RAE1: variants seen among roughly 807,000 people sequenced by gnomAD.
The protein encoded by RAE1 is mRNA export factor RAE1.
A neutral mutation model predicts 52.7 loss-of-function variants in RAE1; 13 were observed. The ratio of observed to expected loss-of-function variants is 0.25; its 90% CI spans 0.16 to 0.39. The LOEUF is 0.39. Among genes scored for constraint, RAE1 ranks in the 10% least tolerant of loss-of-function variants. RAE1 has a pLI of 1.00. For synonymous variants in RAE1, 164 were observed against 153.1 expected (o/e 1.07, Z -0.52); for missense variants, 262 against 459.8 (o/e 0.57, Z 3.93).
At chr20:57,352,236 C>T (rs1462243134) in intron 1 of RAE1, among the ~76,000 whole-genome samples, 1 of 152,160 alleles carries the variant, frequency 6.6e-6, no homozygotes, top group Non-Finnish European at 1.5e-5. Flanking sequence ...GTTGCGTAAA[C>T]ATGGCAAGTT....
intron 1 of RAE1, 71 bp downstream of exon 1, chr20:57,351,493 C>T (rs570623659): frequency 2.0e-6 from 2 of 985,434 alleles, no homozygotes. Flanking sequence ...AGTTGCCTCC[C>T]GGGAGCGCGC....
At chr20:57,366,493 C>T (rs1030012060) in intron 5 of RAE1, among the ~76,000 whole-genome samples, 1 of 152,194 alleles carries the variant, frequency 6.6e-6, no homozygotes, top group African/African-American at 2.4e-5. Context: ...CCATACTTTA[C>T]AACAGCCAGA....
chr20:57,351,368 C>G lies in RAE1; in HGVS notation c.-62C>G, dbSNP rs972938386. On this transcript the variant is annotated 5_prime_UTR_variant, in exon 1 of 12. Transcript: ENST00000395841. Reference sequence around the variant, plus strand: ...CTTCGCGCCAGAGCAGGTTCGCAAACTCCTCAGACCCTTCTGCTCCCGGCC... The same window carrying G: ...CTTCGCGCCAGAGCAGGTTCGCAAAGTCCTCAGACCCTTCTGCTCCCGGCC... The G allele has an allele frequency of 2.2e-5, 22 of 985,338 alleles. No homozygotes were observed. Among genetic ancestry groups the G allele is most frequent in the Non-Finnish European group, 2.7e-5 (22 of 829,940 alleles). 61.0% of individuals were successfully genotyped at this position (985,338 alleles called of 1,614,324 possible).
chr20:57,373,259 G>A (rs2067063082), intron 8 of RAE1: 2 of 565,644 alleles, frequency 3.5e-6, no homozygotes, highest in Non-Finnish European at 3.1e-6. Flanking sequence ...AGCGGGGGCG[G>A]GGGAGGAGCA....
At chr20:57,379,202 A>AC (rs2067153168), downstream of RAE1, 1 of 152,158 alleles carries the variant, frequency 6.6e-6, no homozygotes, top group African/African-American at 2.4e-5. Flanking sequence ...ACTGGAAGAG[A>AC]CCACCTGCAC....
intron 9 of RAE1, 38 bp downstream of exon 9, chr20:57,373,619 CT>C (rs34667817): frequency 3.7e-6 from 6 of 1,613,260 alleles, no homozygotes; most frequent in African/African-American, 1.3e-5. Context: ...TTTCACTGGA[CT>C]TTTTTTAACA....
intron 11 of RAE1, among the ~76,000 whole-genome samples, chr20:57,377,596 A>G (rs1275825488): frequency 6.6e-6 from 1 of 152,058 alleles, no homozygotes; most frequent in Non-Finnish European, 1.5e-5. Flanking sequence ...TGCTCCTTCC[A>G]TGTGGGGCGG....
chr20:57,356,311 T>G (rs758720537), intron 3 of RAE1, 135 bp from the exon 4 acceptor site: 1 of 578,686 alleles, frequency 1.7e-6, no homozygotes, highest in Non-Finnish European at 3.0e-6. Context: ...AATTCCTTTG[T>G]TCTTGAAGTT....
intron 4 of RAE1, 48 bp from the exon 5 acceptor site, chr20:57,365,308 A>C: frequency 7.4e-7 from 1 of 1,352,084 alleles, no homozygotes; most frequent in Non-Finnish European, 1.0e-6. Context: ...TATATAGTTA[A>C]AGATTTAATT....
Position 57,354,698 on chromosome 20 carries a change from CT to C in RAE1, c.91-8del. 1.9e-6 allele frequency: 3 copies of C among 1,547,722 alleles called. No homozygotes were observed. The highest frequency in any genetic ancestry group is 2.1e-5 in the Admixed American group (1 of 48,100). On this transcript the variant is annotated splice_polypyrimidine_tract_variant and intron_variant, in intron 2 of 11. Coordinates refer to ENST00000395841, the MANE Select transcript of RAE1 (RefSeq NM_003610.4). ...GAGCGTGCATACATTTTAACATTGA[CT>C]TTTTTCCCGCAGGATATTGAAGTAA...
chr20:57,352,030 TG>T lies in RAE1; in HGVS notation c.-8+615del, dbSNP rs535747003. On this transcript the variant is annotated intron_variant, in intron 1 of 11. Transcript: ENST00000395841. ...GGCTGCCCTCTTGGAGCCAGCATTC[TG>T]GGGGGGAAGAGATTTTGAGTGTAAA... 4.9e-5 allele frequency: 46 copies of T among 946,138 alleles called. 1 individual carries two copies. In the East Asian group the frequency reaches 4.4e-3, roughly 91 times the overall value. 58.6% of individuals were successfully genotyped at this position (946,138 alleles called of 1,614,324 possible). A position where few individuals can be genotyped will look rare whatever the true frequency, so the allele number is the denominator to read the frequency against.
intron 8 of RAE1, among the ~76,000 whole-genome samples, chr20:57,369,894 G>T (rs2067009995): frequency 7.2e-5 from 11 of 152,072 alleles, no homozygotes. Flanking sequence ...CTCCTCCCCT[G>T]CCTTTTCCCC....
At chr20:57,352,119 A>G in intron 1 of RAE1, 1 of 351,320 alleles carries the variant, frequency 2.8e-6, no homozygotes, top group East Asian at 1.7e-4. Flanking sequence ...GAAGCGTCTG[A>G]GGAGGTGACT....
Position 57,378,272 on chromosome 20 carries a change from C to T in RAE1, c.*173C>T, listed in dbSNP as rs953581637. Reference sequence around the variant, plus strand: ...AGCCCAGGCGTCCGCGGCGACTTGCCGTCTCTCCATTCCACTGCCTGTTGC... The same window carrying T: ...AGCCCAGGCGTCCGCGGCGACTTGCTGTCTCTCCATTCCACTGCCTGTTGC... On this transcript the variant is annotated 3_prime_UTR_variant, in exon 12 of 12. Coordinates refer to ENST00000395841, the MANE Select transcript of RAE1 (RefSeq NM_003610.4). The T allele has an allele frequency of 1.1e-4, 61 of 564,974 alleles. No homozygotes were observed. The highest frequency in any genetic ancestry group is 4.5e-4 in the African/African-American group (24 of 53,464). 35.0% of individuals were successfully genotyped at this position (564,974 alleles called of 1,614,324 possible).
chr20:57,367,386 A>C (rs2066970917), intron 7 of RAE1, among the ~76,000 whole-genome samples: 1 of 152,116 alleles, frequency 6.6e-6, no homozygotes, highest in South Asian at 2.1e-4. Context: ...CAGTAGGAAA[A>C]CTTGCAGTAA....
chr20:57,375,717 A>G (rs964135246), intron 11 of RAE1, among the ~76,000 whole-genome samples: 8 of 152,104 alleles, frequency 5.3e-5, no homozygotes, highest in Non-Finnish European at 7.4e-5. Context: ...GTCCACTGCC[A>G]GGTACTTTCT....
chr20:57,365,228 C>A (rs2066938256), intron 4 of RAE1, 128 bp from the exon 5 acceptor site: 1 of 587,078 alleles, frequency 1.7e-6, no homozygotes, highest in South Asian at 2.7e-5. Flanking sequence ...GTACACTGGT[C>A]CCCAAACAAT....
At chr20:57,369,339 G>A (rs547859894) in intron 8 of RAE1, among the ~76,000 whole-genome samples, 3 of 152,320 alleles carry the variant, frequency 2.0e-5, no homozygotes, top group African/African-American at 7.2e-5. Flanking sequence ...AGCAAAGGTG[G>A]TCTTGTTAAT....
At chr20:57,372,044 A>G (rs920917800) in intron 8 of RAE1, 15 of 151,946 alleles carry the variant, frequency 9.9e-5, no homozygotes, top group African/African-American at 3.6e-4. Flanking sequence ...TACTTAATCA[A>G]TGGGATGAAA....
Sources: allele counts gnomAD v4.1 joint callset (sites outside exome capture counted in the v4.1 genomes callset), GRCh38; gene constraint gnomAD v4.1.1; transcripts MANE v1.5; gene names NCBI Gene and HGNC (gene_info 2026-07-23, HGNC 2026-07-21).